The following DGKH variants were observed in gnomAD, a reference collection of about 807,000 sequenced individuals.
DGKH encodes the protein DAG kinase eta.
In DGKH, 90 loss-of-function variants were observed where a neutral mutation model predicts 159.3. The observed-to-expected ratio is 0.57, with a 90% CI of 0.48 to 0.67. The LOEUF is 0.67. Ranked by LOEUF, DGKH falls within the 30% of genes least tolerant of loss-of-function variation. The pLI is 0.00. For synonymous variants in DGKH, 536 were observed against 553.8 expected (o/e 0.97, Z 0.45); for missense variants, 1,181 against 1,506.1 (o/e 0.78, Z 3.57).
chr13:42,056,175 A>G (rs544449729), intron 1 of DGKH, among the ~76,000 whole-genome samples: 66 of 152,346 alleles, frequency 4.3e-4, no homozygotes, highest in African/African-American at 1.5e-3. Context: ...TGGTGATAGT[A>G]TTAAATTAGG....
chr13:42,160,680 G>T lies in DGKH; in HGVS notation c.855+544G>T, dbSNP rs535408271. Among the ~76,000 whole-genome samples, 8 of 152,332 alleles carry T rather than the reference G, an allele frequency of 5.3e-5. 1 individual carries two copies. The highest frequency in any genetic ancestry group is 1.9e-4 in the African/African-American group (8 of 41,582). ...GTGGCATGGGACTGAAAAACTGCAG[G>T]ATGAGGAGGTCGTGGGTGTGAGCGT... On this transcript the variant is annotated intron_variant, in intron 7 of 29. Transcript: ENST00000337343.
At chr13:42,197,709 C>CT (rs1957235558) in intron 17 of DGKH, among the ~76,000 whole-genome samples, 2 of 151,776 alleles carry the variant, frequency 1.3e-5, no homozygotes, top group Admixed American at 6.6e-5. Context: ...AGACTCATCT[C>CT]TAAAAAAAAA....
chr13:42,096,380 G>A (rs1170792304), intron 1 of DGKH, among the ~76,000 whole-genome samples: 1 of 152,110 alleles, frequency 6.6e-6, no homozygotes, highest in Non-Finnish European at 1.5e-5. Context: ...TTAGGACAAT[G>A]GCCTCCAGCT....
At chr13:42,189,399 A>C in intron 15 of DGKH, 90 bp downstream of exon 15, 2 of 1,511,698 alleles carry the variant, frequency 1.3e-6, no homozygotes, top group Non-Finnish European at 1.8e-6. Context: ...GATTGGACAC[A>C]CTTTTTAAAA....
chr13:42,115,796 C>G (rs1273342543), intron 1 of DGKH, among the ~76,000 whole-genome samples: 4 of 152,166 alleles, frequency 2.6e-5, no homozygotes, highest in Admixed American at 6.5e-5. Flanking sequence ...CATATTGAAC[C>G]AGAGTTTGGC....
chr13:42,078,932 T>C (rs191090387), intron 1 of DGKH, among the ~76,000 whole-genome samples: 6 of 145,186 alleles, frequency 4.1e-5, no homozygotes, highest in Non-Finnish European at 7.5e-5. Context: ...TTTTTTTTTT[T>C]TGAGATGGAG....
chr13:42,082,576 T>G (rs932858794), intron 1 of DGKH, among the ~76,000 whole-genome samples: 2 of 152,218 alleles, frequency 1.3e-5, no homozygotes, highest in South Asian at 4.1e-4. Flanking sequence ...CTTGAGGTCA[T>G]GGATGATTGG....
intron 12 of DGKH, among the ~76,000 whole-genome samples, chr13:42,175,701 A>G (rs899378473): frequency 6.6e-6 from 1 of 152,194 alleles, no homozygotes; most frequent in African/African-American, 2.4e-5. Flanking sequence ...TTAAAAATAA[A>G]CTTACTTTTG....
At chr13:42,141,854 A>T (rs929891626) in intron 3 of DGKH, among the ~76,000 whole-genome samples, 6 of 151,274 alleles carry the variant, frequency 4.0e-5, no homozygotes, top group Non-Finnish European at 7.4e-5. Flanking sequence ...TTGCCTGTTC[A>T]CTCTGATGGT....
intron 1 of DGKH, among the ~76,000 whole-genome samples, chr13:42,119,307 C>T (rs1164442710): frequency 6.6e-6 from 1 of 152,228 alleles, no homozygotes; most frequent in East Asian, 1.9e-4. Flanking sequence ...GTGAATGAAT[C>T]TGAGCAAGCA....
intron 1 of DGKH, among the ~76,000 whole-genome samples, chr13:42,104,828 C>T (rs999181402): frequency 1.3e-5 from 2 of 152,124 alleles, no homozygotes; most frequent in African/African-American, 4.8e-5. Context: ...GGTAATTCCT[C>T]ATCATTATTT....
chr13:42,174,178 G>A (rs1231430103), intron 12 of DGKH, 34 bp downstream of exon 12: 5 of 1,490,892 alleles, frequency 3.4e-6, no homozygotes, highest in Admixed American at 1.8e-5. Flanking sequence ...CATTTGAAAT[G>A]GGGGTGGATA....
chr13:42,115,739 A>G (rs552873577), intron 1 of DGKH, among the ~76,000 whole-genome samples: 1 of 152,346 alleles, frequency 6.6e-6, no homozygotes, highest in South Asian at 2.1e-4. Flanking sequence ...GTCTTGTATG[A>G]CCAGCTAAGA....
chr13:42,149,381 T>C (rs567216136), intron 3 of DGKH, among the ~76,000 whole-genome samples: 4 of 152,336 alleles, frequency 2.6e-5, no homozygotes, highest in South Asian at 4.1e-4. Flanking sequence ...TTGTAAGCCA[T>C]GCCAAGTGGT....
intron 8 of DGKH, 97 bp downstream of exon 8, chr13:42,165,530 T>A: frequency 1.7e-6 from 1 of 603,652 alleles, no homozygotes; most frequent in Non-Finnish European, 2.6e-6. Flanking sequence ...GGTAATTGAC[T>A]ATTGTAGTCA....
At chr13:42,244,669 C>G (rs574836151), downstream of DGKH, among the ~76,000 whole-genome samples, 22 of 152,076 alleles carry the variant, frequency 1.4e-4, no homozygotes, top group African/African-American at 5.3e-4. Flanking sequence ...CTTTGGGAGG[C>G]CGAGGCGGGC....
At chr13:42,198,109 G>A (rs897097113) in intron 17 of DGKH, among the ~76,000 whole-genome samples, 7 of 152,096 alleles carry the variant, frequency 4.6e-5, no homozygotes, top group African/African-American at 1.4e-4. Flanking sequence ...GACATTTTGG[G>A]TAATTCCGCC....
intron 5 of DGKH, 141 bp downstream of exon 5, chr13:42,155,940 CAT>C: frequency 1.0e-6 from 1 of 954,092 alleles, no homozygotes; most frequent in Middle Eastern, 3.3e-4. Context: ...GAAAAAAAAA[CAT>C]AGTCATTTAA....
rs1022110136 is a variant in DGKH, at chr13:42,241,197, T to C, written c.*12009T>C. ...ACTTGATAGACTTTTCTACCTGCTCTATACTTGGCACTCAATTAGATTCTG... is the reference window on the plus strand; with the variant it reads ...ACTTGATAGACTTTTCTACCTGCTCCATACTTGGCACTCAATTAGATTCTG... On this transcript the variant is annotated 3_prime_UTR_variant, in exon 30 of 30. Transcript: ENST00000337343. The C allele has an allele frequency of 5.9e-5, 9 of 152,248 alleles. No homozygotes were observed. Among genetic ancestry groups the C allele is most frequent in the African/African-American group, 2.2e-4 (9 of 41,466 alleles). 9.4% of individuals were successfully genotyped at this position (152,248 alleles called of 1,614,324 possible).
Sources: allele counts gnomAD v4.1 joint callset (sites outside exome capture counted in the v4.1 genomes callset), GRCh38; gene constraint gnomAD v4.1.1; transcripts MANE v1.5; gene names NCBI Gene and HGNC (gene_info 2026-07-23, HGNC 2026-07-21).